Variants in UBP1 observed in about 807,000 individuals in gnomAD.
UBP1 encodes upstream binding protein 1.
A neutral mutation model predicts 76.1 loss-of-function variants in UBP1; 22 were observed. That is an observed-to-expected ratio of 0.29 (90% CI 0.21 to 0.41). UBP1 has a LOEUF of 0.41. Among genes scored for constraint, UBP1 ranks in the 10% least tolerant of loss-of-function variants. UBP1 has a pLI of 1.00. For synonymous variants in UBP1, 224 were observed against 237.1 expected (o/e 0.94, Z 0.51); for missense variants, 436 against 668.1 (o/e 0.65, Z 3.83).
rs1483409011 is a variant in UBP1 at position 33,402,797 on chromosome 3, A to G, written c.1031+4T>C. ...GCAGGCACACGATCACACAAACTAG[A>G]TACCTGTCTGGGACACTGCAAGTGC... On this transcript the variant is annotated splice_donor_region_variant and intron_variant, in intron 9 of 15. Coordinates refer to ENST00000283629, the MANE Select transcript of UBP1 (RefSeq NM_014517.5). 2.6e-6 allele frequency: 4 copies of G among 1,554,400 alleles called. No individual in the cohort carries two copies. The Admixed American group carries it at 6.4e-5, about 25-fold the overall frequency.
At chr3:33,408,095 A>G (rs1458723175) in intron 8 of UBP1, among the ~76,000 whole-genome samples, 1 of 152,178 alleles carries the variant, frequency 6.6e-6, no homozygotes, top group Admixed American at 6.5e-5. Context: ...AACTGCCAAG[A>G]AGAAACATGA....
At chr3:33,425,400 T>G (rs2044994609) in intron 2 of UBP1, among the ~76,000 whole-genome samples, 190 bp downstream of exon 2, 3 of 152,228 alleles carry the variant, frequency 2.0e-5, no homozygotes. Context: ...CCCTCTTTAA[T>G]GCAAATCAGT....
intron 4 of UBP1, 67 bp downstream of exon 4, chr3:33,412,655 A>T: frequency 9.5e-7 from 1 of 1,056,000 alleles, no homozygotes; most frequent in Admixed American, 1.7e-5. Context: ...TGATGCCAAC[A>T]CAACACATTA....
chr3:33,396,400 C>T lies in UBP1; in HGVS notation c.1272-120G>A, dbSNP rs1011056126. Reference sequence around the variant, plus strand: ...TTATGAGAACTTTATAATGTTATTTCGTTATACAAAGTAATTTACTAATAA... The same window carrying T: ...TTATGAGAACTTTATAATGTTATTTTGTTATACAAAGTAATTTACTAATAA... On this transcript the variant is annotated intron_variant, in intron 12 of 15. Coordinates refer to ENST00000283629, the MANE Select transcript of UBP1 (RefSeq NM_014517.5). The T allele has an allele frequency of 2.4e-5, 17 of 719,330 alleles. 1 individual carries two copies. The Middle Eastern group carries it at 1.8e-3, about 76-fold the overall frequency. 44.6% of individuals were successfully genotyped at this position (719,330 alleles called of 1,614,324 possible).
In UBP1 at chr3:33,439,945, A is replaced by G. The variant is rs1288623821; in HGVS notation, c.-97T>C. On this transcript the variant is annotated 5_prime_UTR_variant, in exon 1 of 16. Coordinates refer to ENST00000283629, the MANE Select transcript of UBP1 (RefSeq NM_014517.5). ...CGCGTCCTGGGGGAGGGCGCGGGTG[A>G]AGCCTCCGGAGGGGCGGCGAGTGGT... 13 of 1,383,368 alleles carry G rather than the reference A, an allele frequency of 9.4e-6. No individual in the cohort carries two copies. The highest frequency in any genetic ancestry group is 1.3e-5 in the Non-Finnish European group (13 of 1,007,182). The allele number at this position is 1,383,368 out of a possible 1,614,324, so 85.7% of individuals were successfully genotyped here. A position where few individuals can be genotyped will look rare whatever the true frequency, so the allele number is the denominator to read the frequency against.
chr3:33,405,702 G>C (rs2044400424), intron 8 of UBP1, among the ~76,000 whole-genome samples: 1 of 152,142 alleles, frequency 6.6e-6, no homozygotes, highest in South Asian at 2.1e-4. Context: ...TGAGGTTGCA[G>C]TGAACTTTGA....
intron 15 of UBP1, 131 bp downstream of exon 15, chr3:33,392,422 GAAATATTCTC>G: frequency 1.4e-6 from 1 of 710,078 alleles, no homozygotes; most frequent in Admixed American, 3.4e-5. Context: ...ACAACCACTA[GAAATATTCTC>G]ATTTATCAAA....
chr3:33,428,181 C>CA (rs59049122), intron 1 of UBP1, among the ~76,000 whole-genome samples: 4,646 of 56,650 alleles, frequency 0.082, 701 homozygotes, highest in African/African-American at 0.24. Context: ...GATTCCATCT[C>CA]AAAAAAAAAA....
Position 33,440,105 on chromosome 3 carries a change from G to C in UBP1, c.-257C>G. On this transcript the variant is annotated 5_prime_UTR_variant, in exon 1 of 16. Transcript: ENST00000283629. ...CGCGGACACCGGCCCTGCGCCTCAT[G>C]CCGGCGCCGCCGCCCAGCCCCCGCG... 3.1e-6 allele frequency: 1 copy of C among 326,018 alleles called. No individual in the cohort carries two copies. The allele number at this position is 326,018 out of a possible 1,614,324, so 20.2% of individuals were successfully genotyped here.
intron 1 of UBP1, among the ~76,000 whole-genome samples, chr3:33,427,046 C>T (rs2045029524): frequency 6.6e-6 from 1 of 152,240 alleles, no homozygotes; most frequent in Non-Finnish European, 1.5e-5. Context: ...TGGCTCACCA[C>T]AACCTCTGAC....
At chr3:33,409,643 A>C in intron 5 of UBP1, 42 bp from the exon 6 acceptor site, 10 of 1,613,172 alleles carry the variant, frequency 6.2e-6, no homozygotes, top group Non-Finnish European at 8.5e-6. Flanking sequence ...AAGAACTTCC[A>C]CTGGTTATTT....
At chr3:33,393,237 T>G (rs1449649002) in intron 14 of UBP1, 75 bp downstream of exon 14, 12 of 1,410,576 alleles carry the variant, frequency 8.5e-6, no homozygotes, top group Non-Finnish European at 9.5e-6. Flanking sequence ...GTCACAGAAT[T>G]TTTCTACAGT....
intron 1 of UBP1, among the ~76,000 whole-genome samples, chr3:33,434,714 GTC>G (rs2045176869): frequency 8.3e-6 from 1 of 120,186 alleles, no homozygotes; most frequent in East Asian, 2.4e-4. Context: ...TTGAGATGGA[GTC>G]TCTCTCTGTC....
intron 13 of UBP1, among the ~76,000 whole-genome samples, chr3:33,394,424 T>C (rs2043887894): frequency 6.6e-6 from 1 of 151,814 alleles, no homozygotes; most frequent in Admixed American, 6.6e-5. Context: ...TATATGCCCC[T>C]CCCCCACAAA....
chr3:33,439,524 T>C (rs1384115260), intron 1 of UBP1, among the ~76,000 whole-genome samples: 1 of 152,206 alleles, frequency 6.6e-6, no homozygotes, highest in African/African-American at 2.4e-5. Flanking sequence ...AGGCCGACGC[T>C]TGCGGGGCCA....
chr3:33,408,331 A>C (rs546585806), intron 8 of UBP1, among the ~76,000 whole-genome samples: 1 of 152,340 alleles, frequency 6.6e-6, no homozygotes, highest in African/African-American at 2.4e-5. Context: ...AATTTACTAA[A>C]GAAAGTATTT....
chr3:33,400,715 G>A (rs1471701103), intron 10 of UBP1, among the ~76,000 whole-genome samples: 1 of 152,034 alleles, frequency 6.6e-6, no homozygotes, highest in Non-Finnish European at 1.5e-5. Context: ...TGGATTAAAG[G>A]GTGCAAACAA....
At chr3:33,412,413 C>T (rs1177793080) in intron 4 of UBP1, among the ~76,000 whole-genome samples, 1 of 151,406 alleles carries the variant, frequency 6.6e-6, no homozygotes, top group Non-Finnish European at 1.5e-5. Context: ...ATATAGAAAA[C>T]AACTCTCAAG....
At position 33,409,466 on chromosome 3, in the gene UBP1, G is replaced by T; in HGVS notation, c.691C>A (p.Gln231Lys). 1 of 1,614,112 alleles carries T rather than the reference G, an allele frequency of 6.2e-7. No individual in the cohort carries two copies. The highest frequency in any genetic ancestry group is 8.5e-7 in the Non-Finnish European group (1 of 1,180,016). Reference sequence around the variant, plus strand: ...TGTCTTACCTTAAAAACTTTGATTTGGCAGCTAGCTGAGTGTAGATGATCT... The same window carrying T: ...TGTCTTACCTTAAAAACTTTGATTTTGCAGCTAGCTGAGTGTAGATGATCT... ...YTDHLHSASC[Q>K]IKVFKPKGAD... Residue 231 changes from glutamine (Q) to lysine (K), a missense_variant, in exon 6 of 16, where the codon CAA becomes AAA. By Grantham distance (53) the Gln-to-Lys change is moderately conservative (BLOSUM62 1). Coordinates refer to ENST00000283629, the MANE Select transcript of UBP1 (RefSeq NM_014517.5).
Sources: allele counts gnomAD v4.1 joint callset (sites outside exome capture counted in the v4.1 genomes callset), GRCh38; gene constraint gnomAD v4.1.1; transcripts MANE v1.5; gene names NCBI Gene and HGNC (gene_info 2026-07-23, HGNC 2026-07-21).